PSD3: variants seen among roughly 807,000 people sequenced by gnomAD.
PSD3 encodes the protein PH and SEC7 domain-containing protein 3.
A neutral mutation model predicts 105.5 loss-of-function variants in PSD3; 49 were observed. The observed-to-expected ratio is 0.46, with a 90% CI of 0.37 to 0.59. The LOEUF is 0.59. Ranked by LOEUF, PSD3 falls within the 20% of genes least tolerant of loss-of-function variation. The probability of loss-of-function intolerance (pLI) is 0.00; values close to 1 mark genes in which losing one functional copy is unlikely to be tolerated. For missense variants in PSD3, 1,561 were observed against 1,263.8 expected, an observed-to-expected ratio of 1.24 and a Z score of -3.57; for synonymous variants, 557 against 457.8, an observed-to-expected ratio of 1.22 and a Z score of -2.77.
chr8:18,995,160 T>A (rs1826007049), intron 1 of PSD3, among the ~76,000 whole-genome samples: 1 of 152,176 alleles, frequency 6.6e-6, no homozygotes, highest in South Asian at 2.1e-4. Flanking sequence ...ACAACTGAAC[T>A]GGCAAATTGG....
intron 10 of PSD3, among the ~76,000 whole-genome samples, chr8:18,638,509 G>T (rs998576215): frequency 4.6e-5 from 7 of 150,610 alleles, no homozygotes; most frequent in African/African-American, 1.7e-4. Flanking sequence ...AAAGAATTAA[G>T]AAAACAATCC....
chr8:18,795,395 C>T (rs1407807203), intron 8 of PSD3, among the ~76,000 whole-genome samples: 9 of 152,158 alleles, frequency 5.9e-5, no homozygotes, highest in African/African-American at 2.2e-4. Context: ...CTGGCTTCTG[C>T]CAATACTGGA....
chr8:18,804,763 T>A lies in PSD3; in HGVS notation c.1770A>T (p.Lys590Asn). Residue 590 changes from lysine to asparagine, a missense_variant, in exon 5 of 16, where the codon AAA (lysine) becomes AAT (asparagine). By Grantham distance (94) the Lys-to-Asn change is moderately conservative. Coordinates refer to ENST00000327040, the MANE Select transcript of PSD3 (RefSeq NM_015310.4). ...SNVEAAKRLA[K>N]RLYQLDRFKR... ...TGAATCTGTCCAGCTGATAAAGGCG[T>A]TTGGCCAACCTTTTGGCTGCTTCCA... The A allele has an allele frequency of 6.2e-7, 1 of 1,614,146 alleles. No individual in the cohort carries two copies. The highest frequency in any genetic ancestry group is 2.2e-5 in the East Asian group (1 of 44,870).
intron 9 of PSD3, among the ~76,000 whole-genome samples, chr8:18,739,428 C>T (rs964053292): frequency 2.0e-5 from 3 of 152,098 alleles, no homozygotes; most frequent in Non-Finnish European, 4.4e-5. Flanking sequence ...AAATACAGTG[C>T]CTTTGTCTGG....
At chr8:18,920,136 T>C (rs1277649625) in intron 2 of PSD3, among the ~76,000 whole-genome samples, 1 of 151,944 alleles carries the variant, frequency 6.6e-6, no homozygotes, top group Non-Finnish European at 1.5e-5. Flanking sequence ...CCAAAACTTC[T>C]ACAGGACAAT....
intron 2 of PSD3, among the ~76,000 whole-genome samples, chr8:18,883,403 G>C (rs1420021041): frequency 2.0e-5 from 3 of 152,048 alleles, no homozygotes; most frequent in African/African-American, 2.4e-5. Flanking sequence ...AAGTAACCCC[G>C]GTCCCTTTCC....
rs575059136 is a variant in PSD3, at chr8:18,727,284, C to G, written c.2172+38165G>C. 4.1e-4 allele frequency among the ~76,000 whole-genome samples: 60 copies of G among 145,950 alleles called. No individual in the cohort carries two copies. In the East Asian group the frequency reaches 5.9e-3, roughly 14 times the overall value. On this transcript the variant is annotated intron_variant, in intron 9 of 15. Coordinates refer to ENST00000327040, the MANE Select transcript of PSD3 (RefSeq NM_015310.4). ...CCTGGGAGGCGGAGGTTGCAGTGAG[C>G]CGAGATCGCACTACTGCACTCCAGC... is the stretch of plus-strand genomic sequence containing the variant.
intron 9 of PSD3, among the ~76,000 whole-genome samples, chr8:18,718,731 A>C (rs963651636): frequency 1.3e-5 from 2 of 152,188 alleles, no homozygotes; most frequent in African/African-American, 4.8e-5. Context: ...TACAAGAAAA[A>C]CAGGAAATGA....
chr8:18,709,027 T>G (rs1234356079), intron 9 of PSD3, among the ~76,000 whole-genome samples: 1 of 152,146 alleles, frequency 6.6e-6, no homozygotes, highest in African/African-American at 2.4e-5. Context: ...TTGGGTCCCA[T>G]GCACAGAGCT....
chr8:18,974,197 C>A (rs995988908), intron 1 of PSD3, among the ~76,000 whole-genome samples: 3 of 152,330 alleles, frequency 2.0e-5, no homozygotes, highest in Admixed American at 2.0e-4. Context: ...CCAAGGTAGG[C>A]ATTATTATGC....
chr8:19,059,176 T>G (rs1368480199), intron 1 of PSD3, among the ~76,000 whole-genome samples: 1 of 152,152 alleles, frequency 6.6e-6, no homozygotes, highest in Non-Finnish European at 1.5e-5. Context: ...GGAAAGTCTC[T>G]CATCCAAATA....
chr8:18,821,653 G>C (rs1402855876), intron 4 of PSD3, among the ~76,000 whole-genome samples: 2 of 147,542 alleles, frequency 1.4e-5, no homozygotes, highest in African/African-American at 2.5e-5. Flanking sequence ...AAATAGCAAT[G>C]TCATTTTAAT....
At position 18,860,023 on chromosome 8, in the gene PSD3, T is replaced by G. The variant is rs148950377; in HGVS notation, c.1634+7651A>C. Among the ~76,000 whole-genome samples the G allele has an allele frequency of 3.2e-3, 482 of 152,334 alleles. 4 individuals are homozygous for G. Among genetic ancestry groups the G allele is most frequent in the African/African-American group, 0.011 (473 of 41,582 alleles). ...TTTCAACATGCCTTTCTCACCAAGTTTAATCCTTTCTAGAATTTTATTTAA... is the reference window on the plus strand; with the variant it reads ...TTTCAACATGCCTTTCTCACCAAGTGTAATCCTTTCTAGAATTTTATTTAA... On this transcript the variant is annotated intron_variant, in intron 4 of 15. Transcript: ENST00000327040.
chr8:18,646,619 A>C (rs1441646024), intron 10 of PSD3, among the ~76,000 whole-genome samples: 1 of 152,152 alleles, frequency 6.6e-6, no homozygotes, highest in East Asian at 1.9e-4. Flanking sequence ...AACTTAAATG[A>C]AAGGCGACAA....
intron 2 of PSD3, among the ~76,000 whole-genome samples, chr8:18,877,483 A>T (rs548221443): frequency 1.1e-4 from 17 of 151,916 alleles, no homozygotes; most frequent in African/African-American, 3.6e-4. Flanking sequence ...ACATATATTA[A>T]TATATATGCA....
intron 8 of PSD3, among the ~76,000 whole-genome samples, chr8:18,789,756 T>A (rs1284193104): frequency 6.6e-6 from 1 of 152,210 alleles, no homozygotes; most frequent in Non-Finnish European, 1.5e-5. Flanking sequence ...GCAACAGGAT[T>A]GGAAACAAGA....
At chr8:18,558,400 A>T (rs945804550) in intron 14 of PSD3, among the ~76,000 whole-genome samples, 2 of 152,204 alleles carry the variant, frequency 1.3e-5, no homozygotes, top group African/African-American at 4.8e-5. Flanking sequence ...TATATGAAAA[A>T]CACCCATGAA....
chr8:18,943,390 C>T (rs1586489329), intron 1 of PSD3, among the ~76,000 whole-genome samples: 1 of 152,168 alleles, frequency 6.6e-6, no homozygotes, highest in East Asian at 1.9e-4. Context: ...CTACTAAAAG[C>T]ACAGTAAAGA....
chr8:18,740,118 C>T (rs931094635), intron 9 of PSD3, among the ~76,000 whole-genome samples: 2 of 152,168 alleles, frequency 1.3e-5, no homozygotes, highest in African/African-American at 4.8e-5. Context: ...GTCCATGGAG[C>T]TGCTCTGGAC....
Sources: gnomAD v4.1 joint callset for allele counts (sites outside exome capture counted in the v4.1 genomes callset) on GRCh38, gnomAD v4.1.1 for gene constraint, MANE v1.5 for transcripts, NCBI Gene and HGNC (gene_info 2026-07-23, HGNC 2026-07-21) for gene names.